COL21A1: variants seen among roughly 807,000 people sequenced by gnomAD.
COL21A1 encodes the protein collagen alpha-1(XXI) chain.
Under a neutral mutation model 137.9 loss-of-function variants are expected in COL21A1, and 149 were observed. The observed-to-expected ratio is 1.08, with a 90% confidence interval of 0.95 to 1.24. The LOEUF is 1.24. Among genes scored for constraint, COL21A1 ranks in the 50% most tolerant of loss-of-function variants. The pLI is 0.00. For missense variants in COL21A1, 1,167 were observed against 1,158.4 expected, an observed-to-expected ratio of 1.01 and a Z score of -0.11; for synonymous variants, 456 against 391.5, an observed-to-expected ratio of 1.16 and a Z score of -1.95.
intron 1 of COL21A1, among the ~76,000 whole-genome samples, chr6:56,224,265 C>T (rs1388097509): frequency 2.0e-5 from 3 of 152,134 alleles, no homozygotes; most frequent in African/African-American, 7.2e-5. Flanking sequence ...TCTCTGCCAA[C>T]ACCTATAAAA....
intron 1 of COL21A1, among the ~76,000 whole-genome samples, chr6:56,389,123 G>A (rs946439954): frequency 1.3e-5 from 2 of 152,186 alleles, no homozygotes; most frequent in Non-Finnish European, 2.9e-5. Flanking sequence ...AGCACTTTGG[G>A]AGGCTGAGGC....
chr6:56,172,983 G>T (rs1446082010), intron 3 of COL21A1, among the ~76,000 whole-genome samples: 1 of 151,904 alleles, frequency 6.6e-6, no homozygotes, highest in African/African-American at 2.4e-5. Context: ...GAAAAAAAGA[G>T]GGACAAAAAG....
chr6:56,097,503 G>A (rs1330634540), intron 17 of COL21A1, among the ~76,000 whole-genome samples: 1 of 151,618 alleles, frequency 6.6e-6, no homozygotes, highest in Non-Finnish European at 1.5e-5. Flanking sequence ...AAACATTACA[G>A]GGGTGGAAGG....
chr6:56,294,163 T>C (rs1806489868), intron 1 of COL21A1, among the ~76,000 whole-genome samples: 1 of 152,134 alleles, frequency 6.6e-6, no homozygotes, highest in South Asian at 2.1e-4. Flanking sequence ...CTTACAATTA[T>C]ATTTTGACTC....
At chr6:56,374,151 G>A (rs1379900873) in intron 1 of COL21A1, among the ~76,000 whole-genome samples, 2 of 152,104 alleles carry the variant, frequency 1.3e-5, no homozygotes, top group Non-Finnish European at 2.9e-5. Flanking sequence ...TTTTTGGCAC[G>A]ACTTGTATGA....
At chr6:56,118,144 G>GT (rs70986770) in intron 16 of COL21A1, among the ~76,000 whole-genome samples, 150,307 of 150,758 alleles carry the variant, frequency 1, 74,931 homozygotes, top group South Asian at 1. Context: ...ACAAAAAGTT[G>GT]TTTTTTTTGA....
At chr6:56,082,021 C>T (rs1429968910) in intron 17 of COL21A1, among the ~76,000 whole-genome samples, 2 of 152,042 alleles carry the variant, frequency 1.3e-5, no homozygotes, top group East Asian at 3.9e-4. Flanking sequence ...CATTTCTTTT[C>T]CACACCTAAA....
At chr6:56,325,015 T>A (rs2152342095) in intron 1 of COL21A1, among the ~76,000 whole-genome samples, 1 of 151,366 alleles carries the variant, frequency 6.6e-6, no homozygotes, top group Non-Finnish European at 1.5e-5. Flanking sequence ...CCTAGTTTAT[T>A]ACCATTAGAT....
chr6:56,198,119 G>A (rs556500457), intron 1 of COL21A1, among the ~76,000 whole-genome samples: 87 of 152,114 alleles, frequency 5.7e-4, no homozygotes, highest in African/African-American at 1.9e-3. Flanking sequence ...TAAGCCATAC[G>A]CAGAAAGACA....
intron 1 of COL21A1, among the ~76,000 whole-genome samples, chr6:56,225,374 T>C (rs1781121555): frequency 6.6e-6 from 1 of 152,070 alleles, no homozygotes; most frequent in South Asian, 2.1e-4. Flanking sequence ...CTGAACTCTT[T>C]TAGAGCTTCA....
rs1038035322 is a variant in COL21A1 at position 56,230,779 on chromosome 6, C to A, written c.-39+16608G>T. 2.0e-5 allele frequency among the ~76,000 whole-genome samples: 3 copies of A among 151,820 alleles called. No homozygotes were observed. The South Asian group carries it at 6.2e-4, about 31-fold the overall frequency. On this transcript the variant is annotated intron_variant, in intron 1 of 29. Coordinates refer to ENST00000244728, the MANE Select transcript of COL21A1 (RefSeq NM_030820.4). Reference sequence around the variant, plus strand: ...ACTGAGAAAATACAAATTTGAAATACGCTAGCTGTACATGTTTATGGGAAA... The same window carrying A: ...ACTGAGAAAATACAAATTTGAAATAAGCTAGCTGTACATGTTTATGGGAAA...
intron 1 of COL21A1, among the ~76,000 whole-genome samples, chr6:56,191,639 A>G (rs1778690407): frequency 1.3e-5 from 2 of 150,942 alleles, no homozygotes; most frequent in South Asian, 2.1e-4. Flanking sequence ...GTGAACTCCC[A>G]TTCACTATTG....
In COL21A1 at chr6:56,257,969, A is replaced by G. The variant is rs560262924; in HGVS notation, c.-38-75313T>C. ...GGAAAGTAGAAGATAATATACAGGT[A>G]TTTCTGGATTGAGATTATGGATAAT... On this transcript the variant is annotated intron_variant, in intron 1 of 28. Transcript: ENST00000370819. 2.6e-5 allele frequency among the ~76,000 whole-genome samples: 4 copies of G among 152,136 alleles called. No individual in the cohort carries two copies. The South Asian group carries it at 8.3e-4, about 32-fold the overall frequency.
chr6:56,375,481 C>T (rs935383683), intron 1 of COL21A1, among the ~76,000 whole-genome samples: 2 of 152,210 alleles, frequency 1.3e-5, no homozygotes, highest in African/African-American at 4.8e-5. Flanking sequence ...AAGCAGTCTT[C>T]TCTGGAAAGG....
intron 1 of COL21A1, among the ~76,000 whole-genome samples, chr6:56,223,700 C>A (rs1452576815): frequency 3.9e-5 from 6 of 152,048 alleles, no homozygotes; most frequent in Non-Finnish European, 7.4e-5. Flanking sequence ...ATAATGCATT[C>A]ATGGTAAACT....
At chr6:56,231,241 A>G (rs1397185120) in intron 1 of COL21A1, 1 of 151,942 alleles carries the variant, frequency 6.6e-6, no homozygotes, top group Non-Finnish European at 1.5e-5. Flanking sequence ...ACTATCTTCA[A>G]AAATAACTTG....
chr6:56,291,592 A>G (rs2152335680), intron 1 of COL21A1, among the ~76,000 whole-genome samples: 1 of 152,334 alleles, frequency 6.6e-6, no homozygotes, highest in East Asian at 1.9e-4. Context: ...CAACACCACA[A>G]AGCAGAGCTT....
chr6:56,067,464 G>A, intron 22 of COL21A1, 134 bp from the exon 23 acceptor site: 1 of 615,770 alleles, frequency 1.6e-6, no homozygotes, highest in Non-Finnish European at 2.8e-6. Context: ...CACAGAAGTT[G>A]ACTCCTAACA....
rs577322290 is a variant in COL21A1, at chr6:56,086,907, G to A, written c.1813-9334C>T. On this transcript the variant is annotated intron_variant, in intron 17 of 29. Transcript: ENST00000244728. ...CTTGTCTAATGTCAATTTGTTTTCT[G>A]GCATTGCTTCTTCTCTGTCTTCTTC... Among the ~76,000 whole-genome samples the A allele has an allele frequency of 5.9e-5, 9 of 152,176 alleles. No individual in the cohort carries two copies. In the East Asian group the frequency reaches 1.7e-3, roughly 29 times the overall value.
Sources: gnomAD v4.1 joint callset for allele counts (sites outside exome capture counted in the v4.1 genomes callset) on GRCh38, gnomAD v4.1.1 for gene constraint, MANE v1.5 for transcripts, NCBI Gene and HGNC (gene_info 2026-07-23, HGNC 2026-07-21) for gene names.